Variants in MARCHF3 observed in about 807,000 individuals in gnomAD.
The protein encoded by MARCHF3 is membrane associated ring-CH-type finger 3.
Under a neutral mutation model 24.2 loss-of-function variants are expected in MARCHF3, and 13 were observed. That is an observed-to-expected ratio of 0.54 (90% CI 0.35 to 0.85). The LOEUF is 0.85. Among genes scored for constraint, MARCHF3 ranks in the 40% least tolerant of loss-of-function variants. The probability of loss-of-function intolerance (pLI) is 0.01; values close to 1 mark genes in which losing one functional copy is unlikely to be tolerated. For missense variants in MARCHF3, 276 were observed against 325.0 expected (o/e 0.85, Z 1.16); for synonymous variants, 144 against 137.3 (o/e 1.05, Z -0.34).
chr5:126,910,988 T>G (rs1183704346), intron 3 of MARCHF3, among the ~76,000 whole-genome samples: 2 of 152,148 alleles, frequency 1.3e-5, no homozygotes, highest in Admixed American at 1.3e-4. Context: ...CAGCCGTCTT[T>G]TATGGTCGAA....
At chr5:126,980,835 TTTAAG>T (rs890432609) in intron 1 of MARCHF3, among the ~76,000 whole-genome samples, 1 of 152,160 alleles carries the variant, frequency 6.6e-6, no homozygotes, top group Non-Finnish European at 1.5e-5. Flanking sequence ...AGATTAGTAT[TTTAAG>T]TTTTTGTTTG....
At chr5:127,020,797 C>T (rs1172157525) in intron 1 of MARCHF3, among the ~76,000 whole-genome samples, 2 of 151,626 alleles carry the variant, frequency 1.3e-5, no homozygotes, top group Non-Finnish European at 2.9e-5. Flanking sequence ...ACTGCAGAGC[C>T]GAGACTGTGC....
intron 1 of MARCHF3, among the ~76,000 whole-genome samples, chr5:126,972,818 C>A (rs73786244): frequency 6.6e-6 from 1 of 151,974 alleles, no homozygotes; most frequent in East Asian, 1.9e-4. Context: ...AAAAAAACAC[C>A]AAAAAAACCC....
At chr5:127,000,857 G>A (rs531117070) in intron 1 of MARCHF3, among the ~76,000 whole-genome samples, 12 of 151,976 alleles carry the variant, frequency 7.9e-5, no homozygotes, top group African/African-American at 2.4e-4. Flanking sequence ...TAGTAGAGAC[G>A]GGGTTTCACC....
chr5:126,942,789 A>G (rs1749874475), intron 1 of MARCHF3, among the ~76,000 whole-genome samples: 2 of 152,196 alleles, frequency 1.3e-5, no homozygotes. Flanking sequence ...CAGTTCTCTG[A>G]CATGTGTTTT....
intron 1 of MARCHF3, among the ~76,000 whole-genome samples, chr5:127,026,033 G>C (rs988461783): frequency 1.3e-5 from 2 of 150,774 alleles, no homozygotes; most frequent in African/African-American, 2.4e-5. Context: ...GGTAAGAAAA[G>C]AAGCATAAAA....
At chr5:126,894,270 G>T (rs1753795915) in intron 3 of MARCHF3, among the ~76,000 whole-genome samples, 1 of 144,756 alleles carries the variant, frequency 6.9e-6, no homozygotes. Context: ...TCTTTTAATT[G>T]GAGCATTTAG....
At chr5:126,978,106 G>A (rs545813776) in intron 1 of MARCHF3, among the ~76,000 whole-genome samples, 2 of 152,208 alleles carry the variant, frequency 1.3e-5, no homozygotes, top group Non-Finnish European at 2.9e-5. Flanking sequence ...GTTGAGTATT[G>A]TATGTTGGGA....
chr5:127,028,869 G>C (rs1753084933), intron 1 of MARCHF3, among the ~76,000 whole-genome samples: 2 of 152,316 alleles, frequency 1.3e-5, no homozygotes, highest in East Asian at 1.9e-4. Context: ...TGAGAGGCAG[G>C]CTTTGTTTGT....
chr5:126,992,994 G>C (rs768665232), intron 1 of MARCHF3, among the ~76,000 whole-genome samples: 1 of 151,976 alleles, frequency 6.6e-6, no homozygotes, highest in Non-Finnish European at 1.5e-5. Context: ...GGATGGTCTC[G>C]ATCTCCTGAC....
At chr5:127,018,666 T>C (rs1034538084) in intron 1 of MARCHF3, among the ~76,000 whole-genome samples, 4 of 152,164 alleles carry the variant, frequency 2.6e-5, no homozygotes, top group African/African-American at 9.7e-5. Flanking sequence ...TGGAAGCCAG[T>C]ATGGCTGGAA....
chr5:126,901,449 G>T (rs980251602), intron 3 of MARCHF3, among the ~76,000 whole-genome samples: 1 of 152,004 alleles, frequency 6.6e-6, no homozygotes, highest in Non-Finnish European at 1.5e-5. Context: ...GGCATAGCAG[G>T]TCTCATTCAG....
Position 126,900,574 on chromosome 5 carries a change from G to T in MARCHF3, c.393+14356C>A, listed in dbSNP as rs572807297. ...GACTTCCCAGCCTCCAGGACTGTGA[G>T]AAATACATTTCTGTTGTTTATAAGC... On this transcript the variant is annotated intron_variant, in intron 3 of 4. Coordinates refer to ENST00000308660, the MANE Select transcript of MARCHF3 (RefSeq NM_178450.5). Among the ~76,000 whole-genome samples the T allele has an allele frequency of 2.0e-5, 3 of 150,898 alleles. No individual in the cohort carries two copies. In the South Asian group the frequency reaches 6.3e-4, roughly 32 times the overall value.
intron 3 of MARCHF3, among the ~76,000 whole-genome samples, chr5:126,896,452 C>A (rs1306416732): frequency 6.6e-6 from 1 of 152,096 alleles, no homozygotes; most frequent in Non-Finnish European, 1.5e-5. Context: ...GAGTTGGGGT[C>A]TGCGGGAAAG....
In MARCHF3 at chr5:126,888,516, A is replaced by G. The variant is rs1355374987; in HGVS notation, c.394-10122T>C. Reference sequence around the variant, plus strand: ...TTGTAACTTCAGACATACACAAAATAAAAATAATCTCTAATTATTTTAGAT... The same window carrying G: ...TTGTAACTTCAGACATACACAAAATGAAAATAATCTCTAATTATTTTAGAT... On this transcript the variant is annotated intron_variant, in intron 3 of 4. Transcript: ENST00000308660. Among the ~76,000 whole-genome samples, 3 of 152,074 alleles carry G rather than the reference A, an allele frequency of 2.0e-5. No individual in the cohort carries two copies. The East Asian group carries it at 5.8e-4, about 29-fold the overall frequency.
At chr5:126,938,218 G>T (rs1022074952) in intron 1 of MARCHF3, among the ~76,000 whole-genome samples, 1 of 149,026 alleles carries the variant, frequency 6.7e-6, no homozygotes, top group African/African-American at 2.5e-5. Flanking sequence ...CCCAGGCTGG[G>T]GTACAGAGGC....
intron 1 of MARCHF3, among the ~76,000 whole-genome samples, chr5:126,971,403 C>T (rs1361682059): frequency 1.4e-5 from 2 of 144,820 alleles, no homozygotes. Flanking sequence ...GAGCCGAGGT[C>T]GCGCCACTGC....
chr5:127,011,319 T>C (rs1752463740), intron 1 of MARCHF3, among the ~76,000 whole-genome samples: 1 of 152,152 alleles, frequency 6.6e-6, no homozygotes, highest in South Asian at 2.1e-4. Context: ...CTGATCCAAA[T>C]GCAGTCATCG....
chr5:126,963,597 T>A (rs182988797), intron 1 of MARCHF3, among the ~76,000 whole-genome samples: 100 of 152,270 alleles, frequency 6.6e-4, no homozygotes, highest in Admixed American at 3.0e-3. Flanking sequence ...TAAGACAAGA[T>A]TAATTGGATC....
Sources: gnomAD v4.1 joint callset for allele counts (sites outside exome capture counted in the v4.1 genomes callset) on GRCh38, gnomAD v4.1.1 for gene constraint, MANE v1.5 for transcripts, NCBI Gene and HGNC (gene_info 2026-07-23, HGNC 2026-07-21) for gene names.